RPS6KC1: variants seen among roughly 807,000 people sequenced by gnomAD.
RPS6KC1 encodes the protein inactive ribosomal protein S6 kinase delta-1.
A neutral mutation model predicts 103.8 loss-of-function variants in RPS6KC1; 54 were observed. That is an observed-to-expected ratio of 0.52 (90% CI 0.42 to 0.65). The LOEUF (loss-of-function observed/expected upper bound fraction) is 0.65. RPS6KC1 is among the 30% of genes least tolerant of loss of function. The pLI, the probability that RPS6KC1 is intolerant of heterozygous loss-of-function variation, is 0.00. For missense variants in RPS6KC1, 1,151 were observed against 1,253.8 expected (o/e 0.92, Z 1.24); for synonymous variants, 439 against 438.7 (o/e 1.00, Z -0.01).
chr1:213,705,947 A>C, the RPS6KC1 span, among the ~76,000 whole-genome samples: 1 of 152,228 alleles, frequency 6.6e-6, no homozygotes, highest in Non-Finnish European at 1.5e-5. Flanking sequence ...GTAGCTGAGC[A>C]TGTATCCAAG....
At chr1:213,310,777 A>T in the RPS6KC1 span, among the ~76,000 whole-genome samples, 1 of 152,332 alleles carries the variant, frequency 6.6e-6, no homozygotes. Flanking sequence ...AAATTTTGTT[A>T]TGTATATTGG....
chr1:213,103,284 A>T (rs1290487495), intron 3 of RPS6KC1, among the ~76,000 whole-genome samples: 1 of 152,138 alleles, frequency 6.6e-6, no homozygotes, highest in Non-Finnish European at 1.5e-5. Flanking sequence ...ATTCACTCAC[A>T]CAGTCAATAA....
Position 213,242,553 on chromosome 1 carries a change from G to T in RPS6KC1, c.2822-16G>T. 1.9e-6 allele frequency: 3 copies of T among 1,597,310 alleles called. No homozygotes were observed. The highest frequency in any genetic ancestry group is 1.7e-5 in the Admixed American group (1 of 59,624). ...AGAGAAAAATGTTTTGATTTCTCCTGTCGTTTTGTTTTTAGGACACATTCA... is the reference window on the plus strand; with the variant it reads ...AGAGAAAAATGTTTTGATTTCTCCTTTCGTTTTGTTTTTAGGACACATTCA... On this transcript the variant is annotated splice_polypyrimidine_tract_variant and intron_variant, in intron 11 of 14. Transcript: ENST00000366960.
At chr1:213,756,841 C>A in the RPS6KC1 span, among the ~76,000 whole-genome samples, 1 of 152,086 alleles carries the variant, frequency 6.6e-6, no homozygotes, top group African/African-American at 2.4e-5. Flanking sequence ...AACTCCTGAC[C>A]TCAAGCAATC....
intron 14 of RPS6KC1, among the ~76,000 whole-genome samples, chr1:213,264,816 G>A (rs2094877762): frequency 6.6e-6 from 1 of 152,050 alleles, no homozygotes; most frequent in African/African-American, 2.4e-5. Context: ...AATTCTACGT[G>A]GGGGAAATTT....
the RPS6KC1 span, among the ~76,000 whole-genome samples, chr1:213,439,808 A>G: frequency 6.6e-6 from 1 of 152,128 alleles, no homozygotes; most frequent in Non-Finnish European, 1.5e-5. Context: ...TGGTGAATCA[A>G]TAAAAGACCA....
At chr1:213,553,594 G>A in the RPS6KC1 span, among the ~76,000 whole-genome samples, 37 of 152,140 alleles carry the variant, frequency 2.4e-4, no homozygotes, top group East Asian at 5.0e-3. Context: ...ACTGCTTTCC[G>A]TAGTACTCAA....
chr1:213,206,685 TA>T (rs2093358490), intron 8 of RPS6KC1, among the ~76,000 whole-genome samples: 1 of 152,242 alleles, frequency 6.6e-6, no homozygotes, highest in Non-Finnish European at 1.5e-5. Context: ...TATTTCAAGA[TA>T]GTTAAGTTAT....
chr1:213,408,045 A>C, the RPS6KC1 span, among the ~76,000 whole-genome samples: 1 of 152,010 alleles, frequency 6.6e-6, no homozygotes, highest in Non-Finnish European at 1.5e-5. Flanking sequence ...GTCCTCAAGG[A>C]CTCACCTTTT....
chr1:213,689,498 G>A, the RPS6KC1 span, among the ~76,000 whole-genome samples: 13 of 152,294 alleles, frequency 8.5e-5, no homozygotes, highest in African/African-American at 3.1e-4. Flanking sequence ...CCTCTTAGGT[G>A]TTCTCCCCAC....
chr1:213,393,587 G>A, the RPS6KC1 span, among the ~76,000 whole-genome samples: 12 of 152,246 alleles, frequency 7.9e-5, no homozygotes, highest in Admixed American at 3.9e-4. Context: ...TTGGATAATC[G>A]CCATTTTCCA....
At chr1:213,248,741 A>G (rs2094496381) in intron 12 of RPS6KC1, among the ~76,000 whole-genome samples, 1 of 152,220 alleles carries the variant, frequency 6.6e-6, no homozygotes, top group South Asian at 2.1e-4. Context: ...ATATTGAAAC[A>G]GACTATTCTG....
At chr1:213,463,534 A>G in the RPS6KC1 span, among the ~76,000 whole-genome samples, 2 of 152,122 alleles carry the variant, frequency 1.3e-5, no homozygotes, top group Non-Finnish European at 2.9e-5. Flanking sequence ...TGAAAGCTTG[A>G]GATATTCACC....
chr1:213,096,352 C>A lies in RPS6KC1; in HGVS notation c.263-8102C>A, dbSNP rs553158503. 3.2e-4 allele frequency among the ~76,000 whole-genome samples: 49 copies of A among 152,282 alleles called. 1 individual carries two copies. The South Asian group carries it at 8.9e-3, about 28-fold the overall frequency. ...TTACTTCCTCCACTGAAGTCTTGAA[C>A]CCCTCAAAGTCATCCATGAGGGTTA... On this transcript the variant is annotated intron_variant, in intron 3 of 14. Coordinates refer to ENST00000366960, the MANE Select transcript of RPS6KC1 (RefSeq NM_012424.6).
the RPS6KC1 span, among the ~76,000 whole-genome samples, chr1:213,788,746 C>T: frequency 3.4e-4 from 52 of 152,300 alleles, no homozygotes; most frequent in African/African-American, 1.3e-3. Context: ...CCAAACTAAT[C>T]TGCTAAGGAA....
the RPS6KC1 span, among the ~76,000 whole-genome samples, chr1:213,313,793 G>A: frequency 0.014 from 2,122 of 152,084 alleles, 56 homozygotes; most frequent in African/African-American, 0.048. Flanking sequence ...TCTACTAAAA[G>A]TACAAAAAAA....
At chr1:213,432,002 C>T in the RPS6KC1 span, among the ~76,000 whole-genome samples, 1 of 152,158 alleles carries the variant, frequency 6.6e-6, no homozygotes, top group South Asian at 2.1e-4. Context: ...CAGGGGCATA[C>T]TGTATCTCAT....
the RPS6KC1 span, among the ~76,000 whole-genome samples, chr1:213,739,230 C>A: frequency 6.6e-6 from 1 of 152,142 alleles, no homozygotes; most frequent in African/African-American, 2.4e-5. Context: ...AGTATATTTT[C>A]ATTTCCTTAT....
chr1:213,795,703 G>A, the RPS6KC1 span, among the ~76,000 whole-genome samples: 1 of 152,054 alleles, frequency 6.6e-6, no homozygotes, highest in Non-Finnish European at 1.5e-5. Context: ...GAATAGTAGA[G>A]TATCCACATC....
Sources: gnomAD v4.1 joint callset for allele counts (sites outside exome capture counted in the v4.1 genomes callset) on GRCh38, gnomAD v4.1.1 for gene constraint, MANE v1.5 for transcripts, NCBI Gene and HGNC (gene_info 2026-07-23, HGNC 2026-07-21) for gene names.